The following FAM78A variants were observed in gnomAD, a reference collection of about 807,000 sequenced individuals.
FAM78A encodes family with sequence similarity 78 member A, also known as protein FAM78A.
A neutral mutation model predicts 22.6 loss-of-function variants in FAM78A; 12 were observed. The ratio of observed to expected loss-of-function variants is 0.53; its 90% CI spans 0.34 to 0.86. The LOEUF (loss-of-function observed/expected upper bound fraction) is 0.86. Ranked by LOEUF, FAM78A falls within the 40% of genes least tolerant of loss-of-function variation. The pLI is 0.02. For synonymous variants in FAM78A, 151 were observed against 155.8 expected, an observed-to-expected ratio of 0.97 and a Z score of 0.23; for missense variants, 322 against 396.1, an observed-to-expected ratio of 0.81 and a Z score of 1.59.
Position 131,272,736 on chromosome 9 carries a change from T to C in FAM78A, c.323+3121A>G, listed in dbSNP as rs1588200521. Among the ~76,000 whole-genome samples the C allele has an allele frequency of 6.6e-6, 1 of 152,014 alleles. No individual in the cohort carries two copies. Among genetic ancestry groups the C allele is most frequent in the African/African-American group, 2.4e-5 (1 of 41,466 alleles). On this transcript the variant is annotated intron_variant, in intron 1 of 1. Coordinates refer to ENST00000372271, the MANE Select transcript of FAM78A (RefSeq NM_033387.4). This position sits in a 1 kb window ranked among gnomAD's most constrained non-coding sequence, Gnocchi z 4.1. ...ACCTGAGGTCAGGAGTTCGAGACCA[T>C]CCTGGCCAACGCGGTGAAACCCCGT...
intron 1 of FAM78A, among the ~76,000 whole-genome samples, chr9:131,264,880 C>T (rs375657984): frequency 1.6e-4 from 24 of 152,030 alleles, no homozygotes; most frequent in South Asian, 6.2e-4. Flanking sequence ...CCCACCACCA[C>T]GCCCAGCTAA....
intron 1 of FAM78A, among the ~76,000 whole-genome samples, chr9:131,262,112 G>C (rs1835278472): frequency 1.3e-5 from 2 of 151,696 alleles, no homozygotes; most frequent in Admixed American, 1.3e-4. Context: ...CGGATCATGA[G>C]GTCAGGAGTT....
At chr9:131,264,611 G>A (rs1835319628) in intron 1 of FAM78A, 1 of 717,322 alleles carries the variant, frequency 1.4e-6, no homozygotes, top group African/African-American at 1.7e-5. Flanking sequence ...AGCAGTCAGT[G>A]GAAGCTTCTG....
rs928691021 is a variant in FAM78A at position 131,265,651 on chromosome 9, G to A, written c.324-4301C>T. ...ACTGCCCGCCTCGGCCTCCCAAAGT[G>A]CTGGGATTACAGGCGTGAGCCACCG... is the stretch of plus-strand genomic sequence containing the variant. On this transcript the variant is annotated intron_variant, in intron 1 of 1. Transcript: ENST00000372271. This position sits in a 1 kb window ranked among gnomAD's most constrained non-coding sequence, Gnocchi z 4.3. 2.0e-5 allele frequency among the ~76,000 whole-genome samples: 3 copies of A among 152,196 alleles called. No individual in the cohort carries two copies. The highest frequency in any genetic ancestry group is 2.9e-5 in the Non-Finnish European group (2 of 68,038).
upstream of FAM78A, among the ~76,000 whole-genome samples, chr9:131,278,286 C>T (rs183636676): frequency 6.6e-6 from 1 of 152,272 alleles, no homozygotes; most frequent in East Asian, 1.9e-4. Context: ...GTGGGCTGCT[C>T]CCAGTGCCCT....
chr9:131,270,026 C>T (rs568610649), intron 1 of FAM78A, among the ~76,000 whole-genome samples: 3 of 139,322 alleles, frequency 2.2e-5, no homozygotes, highest in East Asian at 4.2e-4. Context: ...GAAACCCCAT[C>T]CCTACTAAAA....
chr9:131,266,640 G>A (rs139548977), intron 1 of FAM78A, among the ~76,000 whole-genome samples: 39 of 152,222 alleles, frequency 2.6e-4, no homozygotes, highest in Non-Finnish European at 4.0e-4. Context: ...GCTATTCAAC[G>A]CCACTGGATC....
intron 1 of FAM78A, among the ~76,000 whole-genome samples, chr9:131,269,508 G>T: frequency 6.6e-6 from 1 of 151,406 alleles, no homozygotes; most frequent in African/African-American, 2.4e-5. Context: ...AGACAGTCTA[G>T]CTCTGTTGCC....
rs559820418 is a variant in FAM78A, at chr9:131,276,132, C to A, written c.48G>T (p.Ala16=). 1.2e-6 allele frequency: 2 copies of A among 1,613,568 alleles called. No individual in the cohort carries two copies. Among genetic ancestry groups the A allele is most frequent in the African/African-American group, 2.7e-5 (2 of 75,030 alleles). Residue 16 remains alanine, a synonymous_variant, in exon 1 of 2, where the codon GCG becomes GCT. Transcript: ENST00000372271. This position sits in a 1 kb window ranked among gnomAD's most constrained non-coding sequence, Gnocchi z 4.3. ...CDCWPSLEIR[A]LLYAMGCIQS... ...GAATACAGCCCATGGCATACAGGAG[C>A]GCTCTGATCTCCAGGGAAGGCCAGC... is the stretch of plus-strand genomic sequence containing the variant.
chr9:131,280,575 C>A (rs1420809192), upstream of FAM78A, among the ~76,000 whole-genome samples: 1 of 152,254 alleles, frequency 6.6e-6, no homozygotes, highest in Non-Finnish European at 1.5e-5. Flanking sequence ...ACGGCCCCAT[C>A]CCCCACCCGG....
At chr9:131,273,647 G>A (rs758086468) in intron 1 of FAM78A, among the ~76,000 whole-genome samples, 2 of 152,152 alleles carry the variant, frequency 1.3e-5, no homozygotes, top group Admixed American at 1.3e-4. Context: ...TTCACTACAC[G>A]GTGTGGCTGA....
Position 131,274,777 on chromosome 9 carries a change from G to A in FAM78A, c.323+1080C>T, listed in dbSNP as rs760255273. 1.3e-5 allele frequency among the ~76,000 whole-genome samples: 2 copies of A among 152,138 alleles called. No individual in the cohort carries two copies. Among genetic ancestry groups the A allele is most frequent in the African/African-American group, 2.4e-5 (1 of 41,414 alleles). ...TCCTCTTTTCCCCACTTGCAAAACG[G>A]GGACGTGAAGCTGCACAGGGTAGAC... On this transcript the variant is annotated intron_variant, in intron 1 of 1. Coordinates refer to ENST00000372271, the MANE Select transcript of FAM78A (RefSeq NM_033387.4). This position sits in a 1 kb window ranked among gnomAD's most constrained non-coding sequence, Gnocchi z 4.2.
At chr9:131,268,107 C>T (rs1835367371) in intron 1 of FAM78A, among the ~76,000 whole-genome samples, 1 of 151,544 alleles carries the variant, frequency 6.6e-6, no homozygotes, top group Non-Finnish European at 1.5e-5. Flanking sequence ...GCCCATGTCA[C>T]ACAGTCTCCC....
At position 131,276,384 on chromosome 9, in the gene FAM78A, A is replaced by G; in HGVS notation, c.-205T>C. 2.0e-6 allele frequency: 1 copy of G among 501,360 alleles called. No homozygotes were observed. The allele number at this position is 501,360 out of a possible 1,614,324, so 31.1% of individuals were successfully genotyped here. Reference sequence around the variant, plus strand: ...CTTCTCCTCGCAGTGGACAAAAATCACCGATATTCTTTGGGTTAAAAAAAG... The same window carrying G: ...CTTCTCCTCGCAGTGGACAAAAATCGCCGATATTCTTTGGGTTAAAAAAAG... On this transcript the variant is annotated 5_prime_UTR_variant, in exon 1 of 2. Coordinates refer to ENST00000372271, the MANE Select transcript of FAM78A (RefSeq NM_033387.4). This position sits in a 1 kb window ranked among gnomAD's most constrained non-coding sequence, Gnocchi z 4.3.
Position 131,266,452 on chromosome 9 carries a change from A to G in FAM78A, c.324-5102T>C, listed in dbSNP as rs559860300. 4.0e-5 allele frequency among the ~76,000 whole-genome samples: 6 copies of G among 151,518 alleles called. No individual in the cohort carries two copies. The South Asian group carries it at 8.3e-4, about 21-fold the overall frequency. The stretch of plus-strand genomic sequence containing the variant: ...ATGCTCCTCCCTCTCAGGGCCTTCT[A>G]CCGGGAGCAGCGTCATCCTCGTCCT... On this transcript the variant is annotated intron_variant, in intron 1 of 1. Transcript: ENST00000372271.
rs1035954348 is a variant in FAM78A, at chr9:131,260,660, C to T, written c.*162G>A. On this transcript the variant is annotated 3_prime_UTR_variant, in exon 2 of 2. Coordinates refer to ENST00000372271, the MANE Select transcript of FAM78A (RefSeq NM_033387.4). The surrounding 1 kb of genome is among the most constrained non-coding windows in gnomAD (Gnocchi z 5.4). ...CCTCTCCCTGAAAGGAAGCAGGTGC[C>T]GAGAGCCGGGGAGGCCTTCCCGGGG... 1.7e-5 allele frequency: 13 copies of T among 763,816 alleles called. No individual in the cohort carries two copies. Among genetic ancestry groups the T allele is most frequent in the Admixed American group, 3.5e-5 (1 of 28,434 alleles). The allele number at this position is 763,816 out of a possible 1,614,324, so 47.3% of individuals were successfully genotyped here.
At chr9:131,268,749 C>T (rs540345752) in intron 1 of FAM78A, among the ~76,000 whole-genome samples, 5 of 152,016 alleles carry the variant, frequency 3.3e-5, no homozygotes, top group African/African-American at 7.2e-5. Context: ...AAAAATTAGC[C>T]GGGCATGGTG....
At position 131,261,122 on chromosome 9, in the gene FAM78A, G is replaced by A. The variant is rs1413299713; in HGVS notation, c.552C>T (p.Tyr184=). Residue 184 remains tyrosine (Y), a synonymous_variant, in exon 2 of 2, where the codon TAC becomes TAT. Coordinates refer to ENST00000372271, the MANE Select transcript of FAM78A (RefSeq NM_033387.4). This position sits in a 1 kb window ranked among gnomAD's most constrained non-coding sequence, Gnocchi z 7.1. ...ESNVAKLTNI[Y]RDQSFTTWLV... ...GCCAGGTGGTGAAGCTCTGGTCCCGGTAGATATTGGTGAGCTTGGCCACGT... is the reference window on the plus strand; with the variant it reads ...GCCAGGTGGTGAAGCTCTGGTCCCGATAGATATTGGTGAGCTTGGCCACGT... 12 of 1,614,046 alleles carry A rather than the reference G, an allele frequency of 7.4e-6. No homozygotes were observed. The highest frequency in any genetic ancestry group is 5.3e-5 in the African/African-American group (4 of 74,928).
In FAM78A at chr9:131,260,006, C is replaced by G. The variant is rs561653896; in HGVS notation, c.*816G>C. The stretch of plus-strand genomic sequence containing the variant: ...CCAGGCGACTGGTGGAGCCACCCCC[C>G]GCCAGAGCTCACAGCCCCTCTCCGC... On this transcript the variant is annotated 3_prime_UTR_variant, in exon 2 of 2. Coordinates refer to ENST00000372271, the MANE Select transcript of FAM78A (RefSeq NM_033387.4). The surrounding 1 kb of genome is among the most constrained non-coding windows in gnomAD (Gnocchi z 5.4). 1.1e-4 allele frequency: 17 copies of G among 152,856 alleles called. No homozygotes were observed. Among genetic ancestry groups the G allele is most frequent in the African/African-American group, 3.6e-4 (15 of 41,596 alleles). The allele number at this position is 152,856 out of a possible 1,614,324, so 9.5% of individuals were successfully genotyped here.
Sources: allele counts gnomAD v4.1 joint callset (sites outside exome capture counted in the v4.1 genomes callset), GRCh38; gene constraint gnomAD v4.1.1; non-coding constraint Gnocchi (gnomAD v3.1); transcripts MANE v1.5; gene names NCBI Gene and HGNC (gene_info 2026-07-23, HGNC 2026-07-21).